Variants in NALF1 observed in about 807,000 individuals in gnomAD.
NALF1 encodes the protein NALCN channel auxiliary factor 1.
In NALF1, 3 loss-of-function variants were observed where a neutral mutation model predicts 48.4. The ratio of observed to expected loss-of-function variants is 0.06; its 90% CI spans 0.03 to 0.16. The LOEUF (loss-of-function observed/expected upper bound fraction) is 0.16, where lower values mean the gene tolerates loss of function less well. Among genes scored for constraint, NALF1 ranks in the 10% least tolerant of loss-of-function variants. The pLI, the probability that NALF1 is intolerant of heterozygous loss-of-function variation, is 1.00. For missense variants in NALF1, 526 were observed against 571.5 expected (o/e 0.92, Z 0.81); for synonymous variants, 262 against 245.7 (o/e 1.07, Z -0.62).
chr13:107,394,121 T>C (rs563818996), intron 1 of NALF1, among the ~76,000 whole-genome samples: 9 of 152,314 alleles, frequency 5.9e-5, no homozygotes, highest in African/African-American at 2.2e-4. Context: ...CTTTAGTATA[T>C]TGTATCATCC....
At chr13:107,820,322 G>A (rs945465053) in intron 1 of NALF1, among the ~76,000 whole-genome samples, 38 of 152,256 alleles carry the variant, frequency 2.5e-4, no homozygotes, top group Admixed American at 1.6e-3. Context: ...AGCTGGACTC[G>A]TTGCTAACCA....
chr13:107,760,615 C>G (rs549667389), intron 1 of NALF1, among the ~76,000 whole-genome samples: 1 of 152,280 alleles, frequency 6.6e-6, no homozygotes, highest in South Asian at 2.1e-4. Context: ...ATTGTAATAT[C>G]CTATGATTTC....
Position 107,770,176 on chromosome 13 carries a change from G to A in NALF1, c.915+95506C>T, listed in dbSNP as rs189131575. 3.8e-3 allele frequency among the ~76,000 whole-genome samples: 585 copies of A among 152,262 alleles called. 2 individuals carry two copies. Among genetic ancestry groups the A allele is most frequent in the African/African-American group, 0.014 (573 of 41,556 alleles). On this transcript the variant is annotated intron_variant, in intron 1 of 2. Coordinates refer to ENST00000375915, the MANE Select transcript of NALF1 (RefSeq NM_001080396.3). ...GATCCACCCGCCTCGGCCTCCCAAA[G>A]TGCTGGAATTACAGGCGTGAGCCAC...
intron 1 of NALF1, among the ~76,000 whole-genome samples, chr13:107,334,777 A>G (rs2138927483): frequency 6.6e-6 from 1 of 152,238 alleles, no homozygotes; most frequent in East Asian, 1.9e-4. Context: ...TTTTGGGGGA[A>G]ATGTAGTGAC....
At chr13:107,612,282 G>A (rs927975944) in intron 1 of NALF1, among the ~76,000 whole-genome samples, 4 of 152,048 alleles carry the variant, frequency 2.6e-5, no homozygotes, top group South Asian at 2.1e-4. Context: ...AAAAAAGCAG[G>A]GTTGCTGTTC....
At chr13:107,553,649 AT>A (rs1877366643) in intron 1 of NALF1, among the ~76,000 whole-genome samples, 1 of 152,224 alleles carries the variant, frequency 6.6e-6, no homozygotes, top group Non-Finnish European at 1.5e-5. Context: ...CAAAATATTC[AT>A]TTGGCATTTA....
At chr13:107,651,242 G>A (rs1266498611) in intron 1 of NALF1, among the ~76,000 whole-genome samples, 3 of 152,114 alleles carry the variant, frequency 2.0e-5, no homozygotes, top group Non-Finnish European at 4.4e-5. Flanking sequence ...ATTTAGTCCC[G>A]GGCTGTTTCT....
rs148222676 is a variant in NALF1, at chr13:107,800,119, G to A, written c.915+65563C>T. On this transcript the variant is annotated intron_variant, in intron 1 of 2. Coordinates refer to ENST00000375915, the MANE Select transcript of NALF1 (RefSeq NM_001080396.3). Reference sequence around the variant, plus strand: ...AGCATGTAGTTGATAATTGTTGGTGGGTCGAAATACAGAACTAAGGAAGAG... The same window carrying A: ...AGCATGTAGTTGATAATTGTTGGTGAGTCGAAATACAGAACTAAGGAAGAG... 1.5e-3 allele frequency among the ~76,000 whole-genome samples: 222 copies of A among 152,078 alleles called. 3 individuals are homozygous for A. The highest frequency in any genetic ancestry group is 4.9e-3 in the African/African-American group (204 of 41,510).
chr13:107,197,780 C>T (rs1352244749), intron 2 of NALF1, among the ~76,000 whole-genome samples: 1 of 152,136 alleles, frequency 6.6e-6, no homozygotes, highest in Non-Finnish European at 1.5e-5. Flanking sequence ...ATTGATGGAG[C>T]TCTTGATTTT....
intron 1 of NALF1, among the ~76,000 whole-genome samples, chr13:107,367,735 C>T (rs1243689154): frequency 6.6e-6 from 1 of 152,182 alleles, no homozygotes; most frequent in Non-Finnish European, 1.5e-5. Context: ...TCATGGCTAC[C>T]TTGAGAGGCA....
chr13:107,440,528 G>A (rs966461531), intron 1 of NALF1, among the ~76,000 whole-genome samples: 3 of 152,148 alleles, frequency 2.0e-5, no homozygotes, highest in Non-Finnish European at 4.4e-5. Context: ...CAGTCATAAT[G>A]TTTGCGCTGA....
intron 1 of NALF1, among the ~76,000 whole-genome samples, chr13:107,555,908 T>C (rs1004395871): frequency 1.1e-4 from 16 of 152,134 alleles, no homozygotes; most frequent in African/African-American, 3.6e-4. Flanking sequence ...TTTGAGAATA[T>C]TGTTGAAATC....
At chr13:107,741,822 G>T (rs928133990) in intron 1 of NALF1, among the ~76,000 whole-genome samples, 2 of 152,118 alleles carry the variant, frequency 1.3e-5, no homozygotes, top group Non-Finnish European at 2.9e-5. Context: ...CCCAAGACCT[G>T]AAAATGGGTT....
intron 2 of NALF1, among the ~76,000 whole-genome samples, chr13:107,201,441 G>A (rs1462724091): frequency 1.3e-5 from 2 of 152,154 alleles, no homozygotes; most frequent in Admixed American, 6.5e-5. Context: ...GCCGGACGTG[G>A]TGGCGGGCGC....
chr13:107,203,295 G>A (rs1879560846), intron 2 of NALF1, among the ~76,000 whole-genome samples: 1 of 152,172 alleles, frequency 6.6e-6, no homozygotes, highest in Non-Finnish European at 1.5e-5. Context: ...AGTTCACTCA[G>A]TCACGTTGAA....
chr13:107,865,787 G>C lies in NALF1; in HGVS notation c.810C>G (p.Asp270Glu). The change falls in exon 1 of 3, where the codon GAC becomes GAG. Residue 270 changes from aspartate to glutamate, a missense_variant. Physicochemically the swap from Asp to Glu is conservative, Grantham distance 45. Coordinates refer to ENST00000375915, the MANE Select transcript of NALF1 (RefSeq NM_001080396.3). Reference protein sequence around the residue: ...TCRQCVEAYQDYDHHAQEKYE... With the variant: ...TCRQCVEAYQEYDHHAQEKYE... ...ATTTCTCCTGAGCATGGTGGTCATA[G>C]TCCTGGTAAGCCTCGACGCACTGCC... 1.2e-6 allele frequency: 2 copies of C among 1,614,116 alleles called. No homozygotes were observed. Among genetic ancestry groups the C allele is most frequent in the Non-Finnish European group, 1.7e-6 (2 of 1,180,032 alleles).
chr13:107,647,133 G>A (rs1470144897), intron 1 of NALF1, among the ~76,000 whole-genome samples: 2 of 152,010 alleles, frequency 1.3e-5, no homozygotes, highest in African/African-American at 4.8e-5. Flanking sequence ...GAATCACTGT[G>A]CAGATTGAGG....
In NALF1 at chr13:107,493,201, C is replaced by T. The variant is rs1006690747; in HGVS notation, c.916-282446G>A. ...AAGAGATTTCTCAAAGCTGAGGCTC[C>T]GTGCTGCTGGATAAAGCAGAAATGG... On this transcript the variant is annotated intron_variant, in intron 1 of 2. Coordinates refer to ENST00000375915, the MANE Select transcript of NALF1 (RefSeq NM_001080396.3). Among the ~76,000 whole-genome samples, 18 of 152,144 alleles carry T rather than the reference C, an allele frequency of 1.2e-4. 1 individual carries two copies. The highest frequency in any genetic ancestry group is 1.0e-3 in the South Asian group (5 of 4,822).
rs546209217 is a variant in NALF1, at chr13:107,721,665, T to C, written c.915+144017A>G. Among the ~76,000 whole-genome samples the C allele has an allele frequency of 4.6e-5, 7 of 152,302 alleles. No homozygotes were observed. The South Asian group carries it at 1.2e-3, about 27-fold the overall frequency. Reference sequence around the variant, plus strand: ...CCAGAAGGTACACTGGCTGTTTTTCTGGCAGAATCCAAACACCTAATTCCC... The same window carrying C: ...CCAGAAGGTACACTGGCTGTTTTTCCGGCAGAATCCAAACACCTAATTCCC... On this transcript the variant is annotated intron_variant, in intron 1 of 2. Coordinates refer to ENST00000375915, the MANE Select transcript of NALF1 (RefSeq NM_001080396.3).
Sources: allele counts gnomAD v4.1 joint callset (sites outside exome capture counted in the v4.1 genomes callset), GRCh38; gene constraint gnomAD v4.1.1; transcripts MANE v1.5; gene names NCBI Gene and HGNC (gene_info 2026-07-23, HGNC 2026-07-21).